The following GYS2 variants were observed in gnomAD, a reference collection of about 807,000 sequenced individuals.
The protein encoded by GYS2 is glycogen synthase 2, also known as glycogen [starch] synthase, liver.
Under a neutral mutation model 85.6 loss-of-function variants are expected in GYS2, and 80 were observed. The observed-to-expected ratio is 0.93, with a 90% CI of 0.78 to 1.13. The LOEUF (loss-of-function observed/expected upper bound fraction) is 1.13. Ranked by LOEUF, GYS2 falls within the 50% of genes most tolerant of loss-of-function variation. The pLI is 0.00. For missense variants in GYS2, 881 were observed against 854.9 expected, an observed-to-expected ratio of 1.03 and a Z score of -0.38; for synonymous variants, 328 against 300.7, an observed-to-expected ratio of 1.09 and a Z score of -0.94.
intron 1 of GYS2, among the ~76,000 whole-genome samples, chr12:21,591,924 T>G (rs2136927711): frequency 6.6e-6 from 1 of 152,200 alleles, no homozygotes. Flanking sequence ...AAATAAAATC[T>G]TTTCTGGGCA....
intron 1 of GYS2, among the ~76,000 whole-genome samples, chr12:21,585,564 A>G (rs1306585224): frequency 6.6e-6 from 1 of 151,450 alleles, no homozygotes; most frequent in Non-Finnish European, 1.5e-5. Context: ...CACCAGGAAA[A>G]AAAAAAAAAA....
rs1943993455 is a variant in GYS2, at chr12:21,542,689, C to T, written c.1550-98G>A. 4.0e-6 allele frequency: 3 copies of T among 756,588 alleles called. No individual in the cohort carries two copies. The African/African-American group carries it at 5.2e-5, about 13-fold the overall frequency. 46.9% of individuals were successfully genotyped at this position (756,588 alleles called of 1,614,324 possible). A position where few individuals can be genotyped will look rare whatever the true frequency, so the allele number is the denominator to read the frequency against. On this transcript the variant is annotated intron_variant, in intron 12 of 15. Coordinates refer to ENST00000261195, the MANE Select transcript of GYS2 (RefSeq NM_021957.4). ...AAGGCCCTAGTCCTCCTAAGAATAG[C>T]AATGTTCACTATGTGTCAGTCACAA...
intron 15 of GYS2, among the ~76,000 whole-genome samples, chr12:21,537,823 C>A (rs1943927593): frequency 1.3e-5 from 2 of 152,124 alleles, no homozygotes; most frequent in Non-Finnish European, 2.9e-5. Flanking sequence ...TTGATAAACA[C>A]ACACTGCAAT....
intron 1 of GYS2, among the ~76,000 whole-genome samples, chr12:21,596,777 G>A (rs1944701548): frequency 6.6e-6 from 1 of 152,066 alleles, no homozygotes; most frequent in Non-Finnish European, 1.5e-5. Context: ...AAGAAATAAA[G>A]GGCATTCAAA....
At chr12:21,549,108 C>T (rs1019010661) in intron 11 of GYS2, among the ~76,000 whole-genome samples, 2 of 152,150 alleles carry the variant, frequency 1.3e-5, no homozygotes, top group Admixed American at 1.3e-4. Context: ...CAAAATATTA[C>T]TAATGACAAG....
chr12:21,565,483 T>C (rs1944308446), intron 5 of GYS2, among the ~76,000 whole-genome samples: 1 of 146,468 alleles, frequency 6.8e-6, no homozygotes, highest in Admixed American at 6.8e-5. Context: ...GTTATTTGTA[T>C]GTAATGGTGC....
At position 21,604,549 on chromosome 12, in the gene GYS2, A is replaced by G. The variant is rs1944786295; in HGVS notation, c.44T>C (p.Leu15Pro). ...RSLSVTSLGG[L>P]PQWEVEELPV... ...AAGTTCTTCGACTTCCCACTGGGGA[A>G]GCCCACCCAGGGATGTTACAGAGAG... The change falls in exon 1 of 16, where the codon CTT becomes CCT. Residue 15 changes from leucine to proline, a missense_variant. Leu to Pro is a moderately conservative substitution (Grantham distance 98, BLOSUM62 -3). Coordinates refer to ENST00000261195, the MANE Select transcript of GYS2 (RefSeq NM_021957.4). 2.5e-6 allele frequency: 4 copies of G among 1,612,548 alleles called. No homozygotes were observed. The highest frequency in any genetic ancestry group is 1.1e-5 in the South Asian group (1 of 91,050).
At chr12:21,542,380 A>G (rs1313084356) in intron 13 of GYS2, 116 bp downstream of exon 13, 1 of 756,606 alleles carries the variant, frequency 1.3e-6, no homozygotes, top group Non-Finnish European at 2.4e-6. Flanking sequence ...CAAGAAATAT[A>G]AAAACATTAG....
chr12:21,588,480 A>G (rs55825945), intron 1 of GYS2, among the ~76,000 whole-genome samples: 3,602 of 152,298 alleles, frequency 0.024, 65 homozygotes, highest in Non-Finnish European at 0.036. Context: ...TTAATTTATA[A>G]AGGAGAAGAG....
At chr12:21,551,322 A>G (rs2136860178) in intron 11 of GYS2, among the ~76,000 whole-genome samples, 1 of 151,852 alleles carries the variant, frequency 6.6e-6, no homozygotes, top group South Asian at 2.1e-4. Flanking sequence ...TTGAAGAAAA[A>G]CCCTAACTTG....
chr12:21,557,243 G>A (rs1944191519), intron 11 of GYS2, among the ~76,000 whole-genome samples: 1 of 152,198 alleles, frequency 6.6e-6, no homozygotes, highest in Non-Finnish European at 1.5e-5. Flanking sequence ...GTAGAGGTAA[G>A]CAATTATCTG....
intron 11 of GYS2, among the ~76,000 whole-genome samples, chr12:21,555,519 A>G (rs1433890726): frequency 6.6e-6 from 1 of 152,178 alleles, no homozygotes; most frequent in Admixed American, 6.5e-5. Context: ...TTTTTAAATA[A>G]ACATAGAAAT....
At chr12:21,592,337 G>T (rs934313337) in intron 1 of GYS2, among the ~76,000 whole-genome samples, 2 of 151,802 alleles carry the variant, frequency 1.3e-5, no homozygotes, top group African/African-American at 4.8e-5. Context: ...TTACTTGAAA[G>T]ATATAGACTG....
chr12:21,564,083 A>T lies in GYS2; in HGVS notation c.824-738T>A, dbSNP rs1470604810. On this transcript the variant is annotated intron_variant, in intron 5 of 15. Transcript: ENST00000261195. The stretch of plus-strand genomic sequence containing the variant: ...GTCTGTGACAAGAAAGAGAGGGACC[A>T]CTCTGAGCATATGACGGAAACTACC... Among the ~76,000 whole-genome samples the T allele has an allele frequency of 3.3e-5, 5 of 152,226 alleles. No homozygotes were observed. In the East Asian group the frequency reaches 9.6e-4, roughly 29 times the overall value.
intron 11 of GYS2, among the ~76,000 whole-genome samples, chr12:21,554,161 AGGAAGGAAGGAG>A (rs1762032805): frequency 6.6e-6 from 1 of 151,624 alleles, no homozygotes; most frequent in Admixed American, 6.6e-5. Flanking sequence ...GGAAGAAGGA[AGGAAGGAAGGAG>A]GGAAGGAAAA....
In GYS2 at chr12:21,562,331, A is replaced by G. The variant is rs371079552; in HGVS notation, c.1062+587T>C. Among the ~76,000 whole-genome samples, 135 of 152,126 alleles carry G rather than the reference A, an allele frequency of 8.9e-4. 2 individuals are homozygous for G. The highest frequency in any genetic ancestry group is 3.1e-3 in the African/African-American group (128 of 41,498). ...TGTGTATGTGTCTGCCCTGTTCTAT[A>G]GAGAGTTCGTGCTGTCGGGTTTGGC... On this transcript the variant is annotated intron_variant, in intron 7 of 15. Coordinates refer to ENST00000261195, the MANE Select transcript of GYS2 (RefSeq NM_021957.4).
At chr12:21,586,446 T>C (rs996480332) in intron 1 of GYS2, among the ~76,000 whole-genome samples, 2 of 151,860 alleles carry the variant, frequency 1.3e-5, no homozygotes, top group Non-Finnish European at 2.9e-5. Context: ...TATCTATCTA[T>C]CTATCTATCT....
At chr12:21,564,435 GAA>G (rs10717515) in intron 5 of GYS2, among the ~76,000 whole-genome samples, 11 of 149,644 alleles carry the variant, frequency 7.4e-5, no homozygotes, top group African/African-American at 2.0e-4. Flanking sequence ...CATCTCAAAA[GAA>G]AAAAAAAAAG....
intron 11 of GYS2, among the ~76,000 whole-genome samples, chr12:21,556,202 G>A (rs368436124): frequency 4.4e-4 from 67 of 151,802 alleles, no homozygotes; most frequent in African/African-American, 1.5e-3. Flanking sequence ...TTTGTGAGGC[G>A]GAGTCTCACT....
Sources: allele counts gnomAD v4.1 joint callset (sites outside exome capture counted in the v4.1 genomes callset), GRCh38; gene constraint gnomAD v4.1.1; transcripts MANE v1.5; gene names NCBI Gene and HGNC (gene_info 2026-07-23, HGNC 2026-07-21).